KCNIP4: variants seen among roughly 807,000 people sequenced by gnomAD.
The protein encoded by KCNIP4 is Kv channel-interacting protein 4.
KCNIP4 carries 12 observed loss-of-function variants against 34.0 expected under a neutral mutation model. The observed-to-expected ratio is 0.35, with a 90% confidence interval of 0.23 to 0.57. The LOEUF (loss-of-function observed/expected upper bound fraction) is 0.57. Among genes scored for constraint, KCNIP4 ranks in the 20% least tolerant of loss-of-function variants. The pLI, the probability that KCNIP4 is intolerant of heterozygous loss-of-function variation, is 0.83. For synonymous variants in KCNIP4, 124 were observed against 102.2 expected (o/e 1.21, Z -1.29); for missense variants, 238 against 311.7 (o/e 0.76, Z 1.78).
intron 1 of KCNIP4, among the ~76,000 whole-genome samples, chr4:21,064,288 A>G (rs28373988): frequency 0.13 from 19,844 of 152,126 alleles, 1,569 homozygotes; most frequent in African/African-American, 0.22. Context: ...TCTCTTACAT[A>G]TATTATACAG....
intron 3 of KCNIP4, among the ~76,000 whole-genome samples, chr4:20,802,838 G>C (rs1391320146): frequency 6.6e-6 from 1 of 152,094 alleles, no homozygotes; most frequent in African/African-American, 2.4e-5. Flanking sequence ...AGTTTGGGAG[G>C]CCGAGGCGGG....
intron 1 of KCNIP4, among the ~76,000 whole-genome samples, chr4:20,964,855 A>G (rs1162984053): frequency 6.6e-6 from 1 of 152,190 alleles, no homozygotes; most frequent in Non-Finnish European, 1.5e-5. Context: ...ATTTTCACCT[A>G]CAGAGTAAGA....
chr4:21,430,374 A>G (rs1218375601), intron 1 of KCNIP4, among the ~76,000 whole-genome samples: 2 of 151,710 alleles, frequency 1.3e-5, no homozygotes, highest in East Asian at 3.9e-4. Flanking sequence ...AGGGTTTATC[A>G]GTGGTATTCT....
intron 1 of KCNIP4, among the ~76,000 whole-genome samples, chr4:20,973,868 A>G (rs1304756397): frequency 2.0e-5 from 3 of 152,172 alleles, no homozygotes; most frequent in Admixed American, 6.6e-5. Context: ...GGAATCTTAC[A>G]TGGATGTAGT....
intron 3 of KCNIP4, among the ~76,000 whole-genome samples, chr4:20,775,832 G>C (rs182935474): frequency 6.6e-6 from 1 of 152,032 alleles, no homozygotes; most frequent in African/African-American, 2.4e-5. Flanking sequence ...ATTATCTTAG[G>C]GGCTAAGTAT....
At chr4:21,286,790 A>G (rs1230895217) in intron 1 of KCNIP4, among the ~76,000 whole-genome samples, 1 of 152,224 alleles carries the variant, frequency 6.6e-6, no homozygotes, top group Non-Finnish European at 1.5e-5. Flanking sequence ...CGAAAAGAAA[A>G]GACAAATTAT....
chr4:21,421,205 C>T (rs1183438030), intron 1 of KCNIP4, among the ~76,000 whole-genome samples: 1 of 152,080 alleles, frequency 6.6e-6, no homozygotes, highest in African/African-American at 2.4e-5. Context: ...AAATGGAAAA[C>T]AGTATGAAGA....
At chr4:21,477,678 T>A (rs1731099495) in intron 1 of KCNIP4, among the ~76,000 whole-genome samples, 1 of 152,176 alleles carries the variant, frequency 6.6e-6, no homozygotes, top group African/African-American at 2.4e-5. Flanking sequence ...TTATGCTAGT[T>A]CTCACCAGGC....
At position 21,402,712 on chromosome 4, in the gene KCNIP4, T is replaced by TG. The variant is rs752876134; in HGVS notation, c.62-520004_62-520003insC. Among the ~76,000 whole-genome samples the TG allele has an allele frequency of 2.5e-3, 379 of 152,332 alleles. 2 individuals are homozygous for TG. Among genetic ancestry groups the TG allele is most frequent in the Middle Eastern group, 0.01 (3 of 294 alleles). On this transcript the variant is annotated intron_variant, in intron 1 of 8. Coordinates refer to ENST00000382152, the MANE Select transcript of KCNIP4 (RefSeq NM_025221.6). Reference sequence around the variant, plus strand: ...TGCTTACACAGCTTGCTCTCTCTGGTCATAGATGCACAACCAGGATCTGAT... The same window carrying TG: ...TGCTTACACAGCTTGCTCTCTCTGGTGCATAGATGCACAACCAGGATCTGAT...
At chr4:21,531,648 A>T (rs1736692383) in intron 1 of KCNIP4, among the ~76,000 whole-genome samples, 1 of 151,956 alleles carries the variant, frequency 6.6e-6, no homozygotes, top group Admixed American at 6.6e-5. Flanking sequence ...AAGTGCTGGG[A>T]TTACAGGCGT....
At chr4:21,362,851 C>T (rs1480604026) in intron 1 of KCNIP4, among the ~76,000 whole-genome samples, 1 of 152,074 alleles carries the variant, frequency 6.6e-6, no homozygotes, top group Non-Finnish European at 1.5e-5. Context: ...TGCATCCTTC[C>T]TGTCTACAGA....
intron 3 of KCNIP4, among the ~76,000 whole-genome samples, chr4:20,844,041 G>A (rs1720075655): frequency 6.6e-6 from 1 of 152,266 alleles, no homozygotes; most frequent in Non-Finnish European, 1.5e-5. Context: ...CACTCTTAAA[G>A]ATATTAAGTA....
At chr4:20,919,881 A>T (rs1729223508) in intron 1 of KCNIP4, among the ~76,000 whole-genome samples, 1 of 152,154 alleles carries the variant, frequency 6.6e-6, no homozygotes, top group Non-Finnish European at 1.5e-5. Context: ...CTGGCCTCAG[A>T]AACCCAATTT....
chr4:20,845,832 T>G (rs997509918), intron 3 of KCNIP4, among the ~76,000 whole-genome samples: 6 of 152,070 alleles, frequency 3.9e-5, no homozygotes, highest in African/African-American at 1.2e-4. Context: ...CACAAAGAAT[T>G]GAATTCTGCC....
intron 1 of KCNIP4, among the ~76,000 whole-genome samples, chr4:21,715,415 C>T (rs1322516939): frequency 3.9e-5 from 6 of 152,122 alleles, no homozygotes; most frequent in African/African-American, 1.4e-4. Flanking sequence ...CAGGTGTGAG[C>T]CACCGCGCCC....
chr4:21,382,377 A>G (rs1721585447), intron 1 of KCNIP4, among the ~76,000 whole-genome samples: 1 of 152,206 alleles, frequency 6.6e-6, no homozygotes, highest in Non-Finnish European at 1.5e-5. Flanking sequence ...AGAATCACTC[A>G]TATTAAAATT....
chr4:21,715,514 C>T (rs887416188), intron 1 of KCNIP4, among the ~76,000 whole-genome samples: 3 of 152,136 alleles, frequency 2.0e-5, no homozygotes, highest in South Asian at 2.1e-4. Flanking sequence ...AGGGGGACAA[C>T]TGCCTCCTTA....
At chr4:21,210,777 T>G (rs1171812403) in intron 1 of KCNIP4, among the ~76,000 whole-genome samples, 1 of 152,162 alleles carries the variant, frequency 6.6e-6, no homozygotes, top group Non-Finnish European at 1.5e-5. Context: ...TTTCTTAATG[T>G]TTAATGAATA....
chr4:21,237,965 A>C (rs1759495487), intron 1 of KCNIP4, among the ~76,000 whole-genome samples: 1 of 152,210 alleles, frequency 6.6e-6, no homozygotes, highest in African/African-American at 2.4e-5. Flanking sequence ...ATGAACATTG[A>C]TGCAAAAATC....
Sources: allele counts gnomAD v4.1 joint callset (sites outside exome capture counted in the v4.1 genomes callset), GRCh38; gene constraint gnomAD v4.1.1; transcripts MANE v1.5; gene names NCBI Gene and HGNC (gene_info 2026-07-23, HGNC 2026-07-21).